CACNA1E: variants seen among roughly 807,000 people sequenced by gnomAD.
CACNA1E encodes the protein calcium voltage-gated channel subunit alpha1 E.
In CACNA1E, 40 loss-of-function variants were observed where a neutral mutation model predicts 259.2. That is an observed-to-expected ratio of 0.15 (90% confidence interval 0.12 to 0.20). The LOEUF (loss-of-function observed/expected upper bound fraction) is 0.20, where lower values mean the gene tolerates loss of function less well. Ranked by LOEUF, CACNA1E falls within the 10% of genes least tolerant of loss-of-function variation. The pLI is 1.00. For synonymous variants in CACNA1E, 1,104 were observed against 1,138.5 expected, an observed-to-expected ratio of 0.97 and a Z score of 0.61; for missense variants, 1,874 against 3,040.1, an observed-to-expected ratio of 0.62 and a Z score of 9.02.
At chr1:181,736,142 C>G (rs1046923288) in intron 21 of CACNA1E, 133 bp from the exon 22 acceptor site, 2 of 994,806 alleles carry the variant, frequency 2.0e-6, no homozygotes, top group Middle Eastern at 3.1e-4. Context: ...ACCCCCAGTG[C>G]CTGCAGGGCA....
intron 1 of CACNA1E, among the ~76,000 whole-genome samples, chr1:181,365,609 G>C (rs932816077): frequency 6.6e-6 from 1 of 152,254 alleles, no homozygotes; most frequent in East Asian, 1.9e-4. Context: ...CTGGGCCGGG[G>C]TGGTCAGTTC....
chr1:181,728,551 A>G (rs1655133042), intron 18 of CACNA1E, among the ~76,000 whole-genome samples: 1 of 151,182 alleles, frequency 6.6e-6, no homozygotes, highest in Non-Finnish European at 1.5e-5. Context: ...TACCCTGCAC[A>G]GATGTGTGTG....
intron 1 of CACNA1E, among the ~76,000 whole-genome samples, chr1:181,331,630 C>T (rs769772952): frequency 3.3e-5 from 5 of 152,204 alleles, no homozygotes; most frequent in Non-Finnish European, 5.9e-5. Context: ...CGTTAAGACA[C>T]ACCCCAAAAT....
chr1:181,474,948 C>T (rs1181345084), intron 2 of CACNA1E, among the ~76,000 whole-genome samples: 1 of 152,148 alleles, frequency 6.6e-6, no homozygotes, highest in African/African-American at 2.4e-5. Flanking sequence ...GAAGTAAATA[C>T]CCCTTTTTGA....
chr1:181,659,562 G>A (rs1017301470), intron 7 of CACNA1E, among the ~76,000 whole-genome samples: 7 of 152,286 alleles, frequency 4.6e-5, no homozygotes, highest in Middle Eastern at 3.4e-3. Context: ...ATCCATTGTT[G>A]CCTGGGCTTC....
chr1:181,770,663 G>T (rs968074354), intron 35 of CACNA1E, among the ~76,000 whole-genome samples: 6 of 152,096 alleles, frequency 3.9e-5, no homozygotes, highest in African/African-American at 1.2e-4. Context: ...GATACATGTG[G>T]ACATATATAA....
chr1:181,695,930 G>T (rs888751792), intron 7 of CACNA1E, among the ~76,000 whole-genome samples: 1 of 152,164 alleles, frequency 6.6e-6, no homozygotes, highest in Non-Finnish European at 1.5e-5. Context: ...ACTCCAGCTT[G>T]GGCATCAGAG....
intron 7 of CACNA1E, among the ~76,000 whole-genome samples, chr1:181,676,172 G>A (rs1269640232): frequency 6.6e-6 from 1 of 152,190 alleles, no homozygotes; most frequent in Non-Finnish European, 1.5e-5. Flanking sequence ...GCATTGAGAA[G>A]TGCAGAATGT....
intron 35 of CACNA1E, among the ~76,000 whole-genome samples, chr1:181,767,981 A>G (rs1476856005): frequency 6.6e-6 from 1 of 152,264 alleles, no homozygotes; most frequent in Non-Finnish European, 1.5e-5. Context: ...TTTTTGGGGT[A>G]CATGTGATAA....
At chr1:181,790,110 T>G (rs1315992090) in intron 43 of CACNA1E, among the ~76,000 whole-genome samples, 1 of 152,142 alleles carries the variant, frequency 6.6e-6, no homozygotes, top group Non-Finnish European at 1.5e-5. Context: ...AACTAGGGTG[T>G]TTTTCCGCCA....
intron 1 of CACNA1E, among the ~76,000 whole-genome samples, chr1:181,351,407 G>A (rs191171821): frequency 3.0e-4 from 45 of 152,364 alleles, no homozygotes; most frequent in African/African-American, 7.9e-4. Flanking sequence ...ATGGCCATAA[G>A]TTCCCCAGAG....
chr1:181,600,880 T>G (rs552660430), intron 6 of CACNA1E, among the ~76,000 whole-genome samples: 3 of 152,254 alleles, frequency 2.0e-5, no homozygotes, highest in Non-Finnish European at 1.5e-5. Flanking sequence ...CTGATGTCCC[T>G]TAGTCTTGAA....
chr1:181,498,254 A>G (rs1664945183), intron 1 of CACNA1E, among the ~76,000 whole-genome samples: 2 of 152,298 alleles, frequency 1.3e-5, no homozygotes, highest in Non-Finnish European at 2.9e-5. Context: ...AAAGACTCTT[A>G]TATCCTGATA....
At chr1:181,663,290 C>T (rs2102148279) in intron 7 of CACNA1E, among the ~76,000 whole-genome samples, 1 of 152,172 alleles carries the variant, frequency 6.6e-6, no homozygotes, top group Admixed American at 6.5e-5. Flanking sequence ...TGCTGTTAAC[C>T]CCATTTTATA....
chr1:181,524,024 C>G (rs1234797964), intron 3 of CACNA1E, among the ~76,000 whole-genome samples: 1 of 152,214 alleles, frequency 6.6e-6, no homozygotes, highest in Non-Finnish European at 1.5e-5. Flanking sequence ...TTTTGGGAAG[C>G]CATGCTGTCC....
intron 1 of CACNA1E, among the ~76,000 whole-genome samples, chr1:181,354,889 G>A (rs1229252316): frequency 1.3e-5 from 2 of 152,220 alleles, no homozygotes; most frequent in South Asian, 2.1e-4. Context: ...CCCAAGCCTA[G>A]TGAGTAACAT....
At chr1:181,358,705 T>C (rs1653636691) in intron 1 of CACNA1E, among the ~76,000 whole-genome samples, 1 of 152,194 alleles carries the variant, frequency 6.6e-6, no homozygotes, top group Non-Finnish European at 1.5e-5. Flanking sequence ...GTGTTAGCTC[T>C]GCTTTATTCA....
At chr1:181,689,200 C>G (rs1021098685) in intron 7 of CACNA1E, among the ~76,000 whole-genome samples, 18 of 151,594 alleles carry the variant, frequency 1.2e-4, no homozygotes, top group African/African-American at 4.4e-4. Flanking sequence ...TCTCATTGTT[C>G]AACTCCCACT....
rs370474742 is a variant in CACNA1E, at chr1:181,798,199, C to A, written c.6400-93C>A. 4.5e-5 allele frequency: 48 copies of A among 1,071,472 alleles called. No homozygotes were observed. The East Asian group carries it at 1.1e-3, about 25-fold the overall frequency. 66.4% of individuals were successfully genotyped at this position (1,071,472 alleles called of 1,614,324 possible). A position where few individuals can be genotyped will look rare whatever the true frequency, so the allele number is the denominator to read the frequency against. On this transcript the variant is annotated intron_variant, in intron 47 of 47. Coordinates refer to ENST00000367573, the MANE Select transcript of CACNA1E (RefSeq NM_001205293.3). This position sits in a 1 kb window ranked among gnomAD's most constrained non-coding sequence, Gnocchi z 4.2. Reference sequence around the variant, plus strand: ...AGCTCCAGCTCAGGCCTCTCCCTGACAGAATTCAGATTCCAAGGACTCTCT... The same window carrying A: ...AGCTCCAGCTCAGGCCTCTCCCTGAAAGAATTCAGATTCCAAGGACTCTCT...
Sources: gnomAD v4.1 joint callset for allele counts (sites outside exome capture counted in the v4.1 genomes callset) on GRCh38, gnomAD v4.1.1 for gene constraint, Gnocchi (gnomAD v3.1) non-coding constraint, MANE v1.5 for transcripts, NCBI Gene and HGNC (gene_info 2026-07-23, HGNC 2026-07-21) for gene names.